PCBP3: variants seen among roughly 807,000 people sequenced by gnomAD.
PCBP3 encodes the protein poly(rC)-binding protein 3.
Under a neutral mutation model 52.7 loss-of-function variants are expected in PCBP3, and 25 were observed. The observed-to-expected ratio is 0.47, with a 90% CI of 0.35 to 0.66. The LOEUF (loss-of-function observed/expected upper bound fraction) is 0.66, where lower values mean the gene tolerates loss of function less well. Ranked by LOEUF, PCBP3 falls within the 30% of genes least tolerant of loss-of-function variation. The pLI is 0.01. For missense variants in PCBP3, 391 were observed against 490.3 expected (o/e 0.80, Z 1.91); for synonymous variants, 162 against 183.0 (o/e 0.89, Z 0.93).
rs559032161 is a variant in PCBP3, at chr21:45,821,840, G to T, written c.-125-28121G>T. On this transcript the variant is annotated intron_variant, in intron 4 of 17. Transcript: ENST00000681687. This position sits in a 1 kb window ranked among gnomAD's most constrained non-coding sequence, Gnocchi z 4.4. ...CCCAGCCCTGGCCCTTCGAGCTTCC[G>T]TCCTGCAAGCACCGGCAGTGTCAGG... 7.2e-5 allele frequency among the ~76,000 whole-genome samples: 11 copies of T among 152,192 alleles called. No individual in the cohort carries two copies. Among genetic ancestry groups the T allele is most frequent in the Admixed American group, 6.5e-4 (10 of 15,280 alleles).
At chr21:45,862,047 G>A (rs1424349412) in intron 5 of PCBP3, among the ~76,000 whole-genome samples, 3 of 152,146 alleles carry the variant, frequency 2.0e-5, no homozygotes, top group Non-Finnish European at 2.9e-5. Flanking sequence ...TGGATGGGAT[G>A]TAAGGGTAAA....
intron 4 of PCBP3, among the ~76,000 whole-genome samples, chr21:45,832,173 G>A: frequency 6.6e-6 from 1 of 152,214 alleles, no homozygotes; most frequent in East Asian, 1.9e-4. Flanking sequence ...AATTCCTGGA[G>A]CTGAGGGGAT....
intron 2 of PCBP3, among the ~76,000 whole-genome samples, chr21:45,714,072 C>T (rs2084042064): frequency 1.3e-5 from 2 of 152,184 alleles, no homozygotes; most frequent in Non-Finnish European, 2.9e-5. Flanking sequence ...TTCCCACACA[C>T]TCTTCTGAAT....
At position 45,781,565 on chromosome 21, in the gene PCBP3, AACAT is replaced by A. The variant is rs149894210; in HGVS notation, c.-126+26114_-126+26117del. ...TGGGAAATGGTACAGTTACTTTGGA[AACAT>A]TTTGGCAATCAAACCAAGAGCTTAT... On this transcript the variant is annotated intron_variant, in intron 4 of 17. Coordinates refer to ENST00000681687, the MANE Select transcript of PCBP3 (RefSeq NM_001384156.1). Among the ~76,000 whole-genome samples the A allele has an allele frequency of 4.8e-3, 738 of 152,294 alleles. 6 individuals are homozygous for A. Among genetic ancestry groups the A allele is most frequent in the African/African-American group, 0.016 (676 of 41,550 alleles).
At chr21:45,826,018 T>A (rs1487080331) in intron 4 of PCBP3, among the ~76,000 whole-genome samples, 1 of 152,184 alleles carries the variant, frequency 6.6e-6, no homozygotes, top group East Asian at 1.9e-4. Flanking sequence ...ACGCCTGTAA[T>A]CCCAGCATTT....
chr21:45,729,160 T>TA (rs1189677501), intron 2 of PCBP3, among the ~76,000 whole-genome samples: 1 of 152,226 alleles, frequency 6.6e-6, no homozygotes, highest in Non-Finnish European at 1.5e-5. Flanking sequence ...TCTGAAGAAA[T>TA]AATGCAATAT....
intron 5 of PCBP3, among the ~76,000 whole-genome samples, chr21:45,868,516 G>A (rs2094854030): frequency 6.7e-6 from 1 of 148,324 alleles, no homozygotes; most frequent in Non-Finnish European, 1.5e-5. Context: ...ACTTTCTGCA[G>A]TTTAAATCGC....
In PCBP3 at chr21:45,735,672, C is replaced by T. The variant is rs751921213; in HGVS notation, c.-162+243C>T. On this transcript the variant is annotated intron_variant, in intron 3 of 17. Coordinates refer to ENST00000681687, the MANE Select transcript of PCBP3 (RefSeq NM_001384156.1). The surrounding 1 kb of genome is among the most constrained non-coding windows in gnomAD (Gnocchi z 4.0). ...TGTGGAACCAAAATTTTAAAAGAGG[C>T]AGTTTCCTCCCTCTCTGGTAACCTT... Among the ~76,000 whole-genome samples, 1 of 152,188 alleles carries T rather than the reference C, an allele frequency of 6.6e-6. No individual in the cohort carries two copies. The highest frequency in any genetic ancestry group is 1.5e-5 in the Non-Finnish European group (1 of 68,036).
At chr21:45,779,473 T>G (rs2090483552) in intron 4 of PCBP3, among the ~76,000 whole-genome samples, 1 of 152,190 alleles carries the variant, frequency 6.6e-6, no homozygotes, top group Non-Finnish European at 1.5e-5. Flanking sequence ...TCCTGTTACT[T>G]CTCTGTTGAA....
At chr21:45,825,624 C>G (rs2093286590) in intron 4 of PCBP3, among the ~76,000 whole-genome samples, 1 of 152,080 alleles carries the variant, frequency 6.6e-6, no homozygotes, top group African/African-American at 2.4e-5. Flanking sequence ...CGGAGGAAAC[C>G]CTTTCTTATT....
At chr21:45,740,791 T>C (rs2086386140) in intron 3 of PCBP3, among the ~76,000 whole-genome samples, 1 of 152,148 alleles carries the variant, frequency 6.6e-6, no homozygotes, top group Non-Finnish European at 1.5e-5. Context: ...GCATCTGTTA[T>C]ATGTGTGTGT....
At chr21:45,710,466 C>T (rs1224519109) in intron 2 of PCBP3, among the ~76,000 whole-genome samples, 3 of 152,134 alleles carry the variant, frequency 2.0e-5, no homozygotes, top group Non-Finnish European at 4.4e-5. Context: ...TCATCCATGT[C>T]CCTAGAAAGG....
intron 2 of PCBP3, among the ~76,000 whole-genome samples, chr21:45,730,155 C>T (rs189294941): frequency 1.8e-4 from 28 of 151,886 alleles, no homozygotes; most frequent in African/African-American, 6.5e-4. Context: ...CTAATATAAT[C>T]ATTTAGTGCT....
intron 2 of PCBP3, among the ~76,000 whole-genome samples, chr21:45,726,227 G>A (rs965633260): frequency 6.6e-6 from 1 of 152,114 alleles, no homozygotes; most frequent in Admixed American, 6.5e-5. Flanking sequence ...TGGACTTCAG[G>A]TAACAGATGT....
intron 14 of PCBP3, 38 bp downstream of exon 14, chr21:45,930,033 C>G: frequency 7.1e-7 from 1 of 1,412,778 alleles, no homozygotes; most frequent in South Asian, 1.2e-5. Context: ...CTTCTCTTCT[C>G]ACCTGGGGAC....
chr21:45,701,989 A>C (rs959240011), intron 2 of PCBP3, among the ~76,000 whole-genome samples: 1 of 152,240 alleles, frequency 6.6e-6, no homozygotes, highest in African/African-American at 2.4e-5. Context: ...TTCTGCATTA[A>C]TCTGTTGCGA....
At chr21:45,911,740 C>G (rs2096398843) in intron 11 of PCBP3, among the ~76,000 whole-genome samples, 1 of 152,214 alleles carries the variant, frequency 6.6e-6, no homozygotes, top group Admixed American at 6.5e-5. Flanking sequence ...CAGCCTCCAG[C>G]CCCTCCTGCA....
intron 4 of PCBP3, among the ~76,000 whole-genome samples, chr21:45,795,923 CT>C (rs1433588666): frequency 1.3e-5 from 2 of 152,222 alleles, no homozygotes; most frequent in Admixed American, 1.3e-4. Flanking sequence ...TAAGAGACTG[CT>C]GTTTACAGCC....
rs117340666 is a variant in PCBP3 at position 45,942,333 on chromosome 21, C to T, written c.*627C>T. 1,682 of 152,364 alleles carry T rather than the reference C, an allele frequency of 0.011. 18 individuals carry two copies. The highest frequency in any genetic ancestry group is 0.016 in the Non-Finnish European group (1,084 of 68,072). The allele number at this position is 152,364 out of a possible 1,614,324, so 9.4% of individuals were successfully genotyped here. The stretch of plus-strand genomic sequence containing the variant: ...GGGGGCCCTGCCTTCACAGAGATGC[C>T]GCGTGCTGGGAAGGCTCTTGGGGTC... On this transcript the variant is annotated 3_prime_UTR_variant, in exon 18 of 18. Coordinates refer to ENST00000681687, the MANE Select transcript of PCBP3 (RefSeq NM_001384156.1).
Sources: gnomAD v4.1 joint callset for allele counts (sites outside exome capture counted in the v4.1 genomes callset) on GRCh38, gnomAD v4.1.1 for gene constraint, Gnocchi (gnomAD v3.1) non-coding constraint, MANE v1.5 for transcripts, NCBI Gene and HGNC (gene_info 2026-07-23, HGNC 2026-07-21) for gene names.